Variants in GTF3C3 observed in about 807,000 individuals in gnomAD.
GTF3C3 encodes the protein general transcription factor 3C polypeptide 3.
In GTF3C3, 75 loss-of-function variants were observed where a neutral mutation model predicts 105.2. The observed-to-expected ratio is 0.71, with a 90% CI of 0.59 to 0.86. GTF3C3 has a LOEUF of 0.86. GTF3C3 is among the 40% of genes least tolerant of loss of function. The pLI, the probability that GTF3C3 is intolerant of heterozygous loss-of-function variation, is 0.00. For missense variants in GTF3C3, 856 were observed against 1,076.5 expected (o/e 0.80, Z 2.87); for synonymous variants, 335 against 370.4 (o/e 0.90, Z 1.10).
In GTF3C3 at chr2:196,764,834, T is replaced by A. The variant is rs958728213; in HGVS notation, c.2539-149A>T. 5.4e-6 allele frequency: 3 copies of A among 552,842 alleles called. No homozygotes were observed. In the East Asian group the frequency reaches 8.6e-5, roughly 16 times the overall value. The allele number at this position is 552,842 out of a possible 1,614,324, so 34.2% of individuals were successfully genotyped here. A position where few individuals can be genotyped will look rare whatever the true frequency, so the allele number is the denominator to read the frequency against. On this transcript the variant is annotated intron_variant, in intron 17 of 17. Transcript: ENST00000263956. The stretch of plus-strand genomic sequence containing the variant: ...AAAAAAAATTATAAAACTATGCATA[T>A]ACCTTGGATCAATGCTGATTCAGTT...
At chr2:196,766,357 A>C (rs879463773) in intron 17 of GTF3C3, among the ~76,000 whole-genome samples, 7 of 152,232 alleles carry the variant, frequency 4.6e-5, no homozygotes, top group Non-Finnish European at 8.8e-5. Flanking sequence ...CACAGCCACA[A>C]GCTGTATATG....
At chr2:196,785,736 A>G in intron 6 of GTF3C3, 148 bp from the exon 7 acceptor site, 1 of 585,568 alleles carries the variant, frequency 1.7e-6, no homozygotes, top group Non-Finnish European at 3.0e-6. Context: ...CGTAATCAGA[A>G]CTGATCCAGA....
rs548605905 is a variant in GTF3C3 at position 196,779,601 on chromosome 2, C to T, written c.1219-534G>A. Among the ~76,000 whole-genome samples the T allele has an allele frequency of 1.6e-4, 25 of 152,288 alleles. 1 individual carries two copies. The South Asian group carries it at 3.1e-3, about 19-fold the overall frequency. On this transcript the variant is annotated intron_variant, in intron 9 of 17. Coordinates refer to ENST00000263956, the MANE Select transcript of GTF3C3 (RefSeq NM_012086.5). ...GACACAGCTCATCTGTTTTGCTCTT[C>T]GTCTAACCAGCACAACGTCTTGTGC...
At chr2:196,783,258 G>A (rs1699397717) in intron 8 of GTF3C3, among the ~76,000 whole-genome samples, 1 of 142,974 alleles carries the variant, frequency 7.0e-6, no homozygotes, top group Non-Finnish European at 1.5e-5. Flanking sequence ...GTGCCAGGAA[G>A]GAAGGGAAGG....
chr2:196,776,408 T>G lies in GTF3C3; in HGVS notation c.1593+19A>C. The G allele has an allele frequency of 1.3e-6, 2 of 1,599,412 alleles. No homozygotes were observed. Among genetic ancestry groups the G allele is most frequent in the Non-Finnish European group, 1.7e-6 (2 of 1,168,108 alleles). On this transcript the variant is annotated intron_variant, in intron 11 of 17. Coordinates refer to ENST00000263956, the MANE Select transcript of GTF3C3 (RefSeq NM_012086.5). This position sits in a 1 kb window ranked among gnomAD's most constrained non-coding sequence, Gnocchi z 4.5. ...TATAATATACCAAGAAAAACTTCCC[T>G]CTATGTGACATGGCCCACCTGCTGT...
rs774262446 is a variant in GTF3C3, at chr2:196,771,938, C to T, written c.2070G>A (p.Arg690=). 1 of 1,606,360 alleles carries T rather than the reference C, an allele frequency of 6.2e-7. No individual in the cohort carries two copies. The stretch of plus-strand genomic sequence containing the variant: ...TATTGACATTTTCCATTACCATTAT[C>T]CTAAAATTGCAGGAAGAGGGTGAGG... ...KNFRKAYNYI[R]IMVMENVNKP... Residue 690 remains arginine (R), a splice_region_variant and synonymous_variant, in exon 15 of 18, where the codon AGG becomes AGA. Transcript: ENST00000263956.
intron 8 of GTF3C3, among the ~76,000 whole-genome samples, chr2:196,781,342 GAAAA>G (rs769914255): frequency 1.0e-3 from 32 of 31,448 alleles, no homozygotes; most frequent in East Asian, 3.7e-3. Context: ...ATGTTAAGGG[GAAAA>G]AAAAAAAAAA....
At chr2:196,768,582 G>A (rs1168270238) in intron 16 of GTF3C3, among the ~76,000 whole-genome samples, 2 of 152,018 alleles carry the variant, frequency 1.3e-5, no homozygotes, top group East Asian at 3.8e-4. Context: ...AAAAATAAGA[G>A]AAATTAAAAG....
chr2:196,787,254 T>G (rs1192081737), intron 6 of GTF3C3, among the ~76,000 whole-genome samples: 1 of 152,170 alleles, frequency 6.6e-6, no homozygotes, highest in African/African-American at 2.4e-5. Context: ...ATTTCCTAAC[T>G]GGTCTCCATG....
In GTF3C3 at chr2:196,784,742, T is replaced by C. The variant is rs1003791188; in HGVS notation, c.1114+115A>G. On this transcript the variant is annotated intron_variant, in intron 8 of 17. Transcript: ENST00000263956. ...AAAAATGCTTCTTGGGAAAACTTATTATGAGAACATTAACTATCAACTCAC... is the reference window on the plus strand; with the variant it reads ...AAAAATGCTTCTTGGGAAAACTTATCATGAGAACATTAACTATCAACTCAC... 10 of 1,247,372 alleles carry C rather than the reference T, an allele frequency of 8.0e-6. No homozygotes were observed. In the African/African-American group the frequency reaches 1.2e-4, roughly 15 times the overall value. The allele number at this position is 1,247,372 out of a possible 1,614,324, so 77.3% of individuals were successfully genotyped here. A position where few individuals can be genotyped will look rare whatever the true frequency, so the allele number is the denominator to read the frequency against.
At chr2:196,771,321 T>C (rs963949529) in intron 15 of GTF3C3, among the ~76,000 whole-genome samples, 1 of 152,148 alleles carries the variant, frequency 6.6e-6, no homozygotes, top group Non-Finnish European at 1.5e-5. Flanking sequence ...TTATGGCAAA[T>C]TAAAATCAGG....
At chr2:196,773,226 C>A in intron 13 of GTF3C3, 73 bp from the exon 14 acceptor site, 1 of 847,224 alleles carries the variant, frequency 1.2e-6, no homozygotes, top group South Asian at 1.7e-5. Context: ...AAATTCACAT[C>A]ATCAATTTTA....
chr2:196,775,629 C>T (rs911040362), intron 12 of GTF3C3, among the ~76,000 whole-genome samples: 5 of 152,176 alleles, frequency 3.3e-5, no homozygotes, highest in Non-Finnish European at 5.9e-5. Flanking sequence ...TTATAACATG[C>T]ATATACACAC....
At chr2:196,773,230 A>G in intron 13 of GTF3C3, 77 bp from the exon 14 acceptor site, 2 of 817,814 alleles carry the variant, frequency 2.4e-6, no homozygotes, top group Non-Finnish European at 4.0e-6. Flanking sequence ...TCACATCATC[A>G]ATTTTAAGAC....
At chr2:196,792,739 G>A (rs1194054760) in intron 3 of GTF3C3, among the ~76,000 whole-genome samples, 1 of 152,038 alleles carries the variant, frequency 6.6e-6, no homozygotes, top group Non-Finnish European at 1.5e-5. Flanking sequence ...CTCAGCCTCC[G>A]GAGCAGCTGG....
At chr2:196,796,146 T>C (rs561577561) in intron 2 of GTF3C3, among the ~76,000 whole-genome samples, 49 of 152,354 alleles carry the variant, frequency 3.2e-4, no homozygotes, top group Non-Finnish European at 3.7e-4. Flanking sequence ...TGACCCCTTC[T>C]GCTCTGAATA....
rs751894235 is a variant in GTF3C3, at chr2:196,778,933, T to G, written c.1353A>C (p.Glu451Asp). Residue 451 changes from glutamate (E) to aspartate (D), a missense_variant, in exon 10 of 18, where the codon GAA becomes GAC. Glu to Asp is a conservative substitution (Grantham distance 45, BLOSUM62 2). This residue lies in a region of GTF3C3 where 605 missense variants were observed against 833.6 expected (regional missense o/e 0.73). Coordinates refer to ENST00000263956, the MANE Select transcript of GTF3C3 (RefSeq NM_012086.5). ...GCCAAACTACTGCAAGGTTGTATCT[T>G]TCAGAGCAAACAAGAGCACTGAGGA... Reference protein sequence around the residue: ...LPLLSALVCSERYNLAVVWLR... With the variant: ...LPLLSALVCSDRYNLAVVWLR... The G allele has an allele frequency of 3.1e-6, 5 of 1,613,926 alleles. No homozygotes were observed. The South Asian group carries it at 5.5e-5, about 18-fold the overall frequency.
At position 196,771,795 on chromosome 2, in the gene GTF3C3, A is replaced by C. The variant is rs1412272908; in HGVS notation, c.2213T>G (p.Leu738Ter). 6.2e-7 allele frequency: 1 copy of C among 1,612,364 alleles called. No individual in the cohort carries two copies. The highest frequency in any genetic ancestry group is 8.5e-7 in the Non-Finnish European group (1 of 1,178,468). Residue 738 changes from leucine to a stop codon, truncating the protein, a stop_gained, in exon 15 of 18, where the codon TTA becomes TGA. Transcript: ENST00000263956. LOFTEE classifies it high-confidence loss of function. ...AGATACAAATGCATTGTGTCCATTTAAGACACATAGGGCATGATTTTCTGG... is the reference window on the plus strand; with the variant it reads ...AGATACAAATGCATTGTGTCCATTTCAGACACATAGGGCATGATTTTCTGG... ...KNPENHALCV[L>*]NGHNAFVSGS... is the part of the protein sequence containing the mutation.
chr2:196,787,270 G>A (rs920928355), intron 6 of GTF3C3, among the ~76,000 whole-genome samples: 2 of 151,980 alleles, frequency 1.3e-5, no homozygotes, highest in Non-Finnish European at 2.9e-5. Context: ...CCATGCTTCT[G>A]CCCTTCCACT....
Sources: gnomAD v4.1 joint callset for allele counts (sites outside exome capture counted in the v4.1 genomes callset) on GRCh38, gnomAD v4.1.1 for gene constraint, gnomAD v4.1.1 regional missense constraint, Gnocchi (gnomAD v3.1) non-coding constraint, MANE v1.5 for transcripts, NCBI Gene and HGNC (gene_info 2026-07-23, HGNC 2026-07-21) for gene names.